CFI: variants seen among roughly 807,000 people sequenced by gnomAD.
CFI encodes the protein complement factor I.
CFI carries 66 observed loss-of-function variants against 78.8 expected under a neutral mutation model. The ratio of observed to expected loss-of-function variants is 0.84; its 90% CI spans 0.69 to 1.03. The LOEUF is 1.03. CFI is among the 50% of genes least tolerant of loss of function. CFI has a pLI of 0.00. For synonymous variants in CFI, 250 were observed against 232.6 expected, an observed-to-expected ratio of 1.07 and a Z score of -0.68; for missense variants, 706 against 704.5, an observed-to-expected ratio of 1.00 and a Z score of -0.02.
intron 1 of CFI, among the ~76,000 whole-genome samples, chr4:109,767,884 A>G (rs1364186441): frequency 6.6e-6 from 1 of 152,150 alleles, no homozygotes; most frequent in East Asian, 1.9e-4. Flanking sequence ...AACCAACCCA[A>G]ATGTCCATCA....
At chr4:109,775,155 TG>T (rs1376228813) in intron 1 of CFI, among the ~76,000 whole-genome samples, 1 of 152,120 alleles carries the variant, frequency 6.6e-6, no homozygotes, top group African/African-American at 2.4e-5. Flanking sequence ...TTCATCTCAC[TG>T]GGGCTTGTCA....
chr4:109,750,216 C>T (rs575445230), intron 8 of CFI, among the ~76,000 whole-genome samples: 95 of 151,944 alleles, frequency 6.3e-4, no homozygotes, highest in African/African-American at 2.1e-3. Flanking sequence ...AGGCTGGTCT[C>T]GAACTCCTGA....
intron 3 of CFI, among the ~76,000 whole-genome samples, chr4:109,763,442 CA>C (rs1727332707): frequency 6.6e-6 from 1 of 151,586 alleles, no homozygotes; most frequent in African/African-American, 2.4e-5. Context: ...CAAAAGCACA[CA>C]AAAAGCAGGG....
chr4:109,796,286 A>C (rs1482193396), intron 1 of CFI, among the ~76,000 whole-genome samples: 1 of 152,218 alleles, frequency 6.6e-6, no homozygotes, highest in African/African-American at 2.4e-5. Flanking sequence ...TTACACCCAG[A>C]AAAACTATCC....
chr4:109,776,653 A>T (rs2125835857), intron 1 of CFI, among the ~76,000 whole-genome samples: 2 of 152,310 alleles, frequency 1.3e-5, no homozygotes, highest in South Asian at 4.1e-4. Flanking sequence ...GAAGAGCAAC[A>T]GCAAGACATA....
At chr4:109,764,070 A>G (rs935914787) in intron 3 of CFI, among the ~76,000 whole-genome samples, 1 of 149,482 alleles carries the variant, frequency 6.7e-6, no homozygotes, top group African/African-American at 2.4e-5. Flanking sequence ...CTATAATTAT[A>G]GTAAACTATA....
chr4:109,758,913 C>T (rs906798953), intron 6 of CFI, among the ~76,000 whole-genome samples: 4 of 152,074 alleles, frequency 2.6e-5, no homozygotes, highest in African/African-American at 4.8e-5. Flanking sequence ...GCCAATGTGG[C>T]GAAACTCTGT....
At chr4:109,799,924 T>C (rs1438503940) in intron 1 of CFI, among the ~76,000 whole-genome samples, 1 of 152,234 alleles carries the variant, frequency 6.6e-6, no homozygotes, top group Non-Finnish European at 1.5e-5. Flanking sequence ...TAAGCTTTCA[T>C]ACCATTTTTA....
At chr4:109,774,693 C>G (rs917835786) in intron 1 of CFI, among the ~76,000 whole-genome samples, 1 of 152,036 alleles carries the variant, frequency 6.6e-6, no homozygotes, top group African/African-American at 2.4e-5. Flanking sequence ...TGAGCAGATG[C>G]TGCAGAACTA....
chr4:109,739,717 C>T (rs1458451351), downstream of CFI, among the ~76,000 whole-genome samples: 3 of 151,966 alleles, frequency 2.0e-5, no homozygotes, highest in Admixed American at 6.6e-5. Flanking sequence ...TGTGAGTCAC[C>T]GGACTGTAGG....
At chr4:109,745,737 C>A (rs1724327794) in intron 11 of CFI, among the ~76,000 whole-genome samples, 1 of 152,054 alleles carries the variant, frequency 6.6e-6, no homozygotes, top group African/African-American at 2.4e-5. Context: ...TCAACATACA[C>A]CAAGGCTATC....
At chr4:109,777,130 C>T (rs189214864) in intron 1 of CFI, among the ~76,000 whole-genome samples, 1 of 152,230 alleles carries the variant, frequency 6.6e-6, no homozygotes, top group East Asian at 1.9e-4. Flanking sequence ...CAATACTAAC[C>T]TTAAAGGTAA....
Position 109,801,985 on chromosome 4 carries a change from G to A in CFI, c.-14C>T, listed in dbSNP as rs775622274. On this transcript the variant is annotated 5_prime_UTR_variant, in exon 1 of 13. Transcript: ENST00000394634. ...AAGAAGCTTCATGTTGGAGGTGTTC[G>A]GGGTCTTTGTCTCTGCTGAGAACTC... 13 of 1,606,050 alleles carry A rather than the reference G, an allele frequency of 8.1e-6. No homozygotes were observed. The highest frequency in any genetic ancestry group is 1.7e-4 in the Middle Eastern group (1 of 6,040).
intron 1 of CFI, among the ~76,000 whole-genome samples, chr4:109,778,912 G>A (rs1229635714): frequency 6.6e-6 from 1 of 152,098 alleles, no homozygotes; most frequent in African/African-American, 2.4e-5. Context: ...TGCAGAAAAG[G>A]CCTTCGACAA....
chr4:109,774,813 T>C (rs1463776197), intron 1 of CFI, among the ~76,000 whole-genome samples: 1 of 152,154 alleles, frequency 6.6e-6, no homozygotes, highest in African/African-American at 2.4e-5. Flanking sequence ...TGCTCTGATC[T>C]TGGTTACTTC....
intron 1 of CFI, among the ~76,000 whole-genome samples, chr4:109,776,504 C>T (rs1353404506): frequency 6.6e-6 from 1 of 152,152 alleles, no homozygotes; most frequent in Non-Finnish European, 1.5e-5. Flanking sequence ...GATTGATGTA[C>T]CTGAAAGTGA....
chr4:109,742,056 T>A (rs1018833218), intron 12 of CFI: 6 of 164,224 alleles, frequency 3.7e-5, no homozygotes, highest in African/African-American at 1.2e-4. Flanking sequence ...AATTTGTATT[T>A]AAAAGTAATT....
At chr4:109,775,157 G>A (rs1162059508) in intron 1 of CFI, among the ~76,000 whole-genome samples, 1 of 152,154 alleles carries the variant, frequency 6.6e-6, no homozygotes, top group African/African-American at 2.4e-5. Context: ...CATCTCACTG[G>A]GGCTTGTCAG....
At chr4:109,789,968 A>T (rs1731185833) in intron 1 of CFI, among the ~76,000 whole-genome samples, 1 of 152,056 alleles carries the variant, frequency 6.6e-6, no homozygotes. Flanking sequence ...GGGAAATTTT[A>T]AAATTACTGA....
Sources: gnomAD v4.1 joint callset for allele counts (sites outside exome capture counted in the v4.1 genomes callset) on GRCh38, gnomAD v4.1.1 for gene constraint, MANE v1.5 for transcripts, NCBI Gene and HGNC (gene_info 2026-07-23, HGNC 2026-07-21) for gene names.